TNNI3K: variants seen among roughly 807,000 people sequenced by gnomAD.
TNNI3K encodes the protein TNNI3 interacting kinase.
Under a neutral mutation model 114.5 loss-of-function variants are expected in TNNI3K, and 140 were observed. That is an observed-to-expected ratio of 1.22 (90% CI 1.07 to 1.41). The LOEUF (loss-of-function observed/expected upper bound fraction) is 1.41. Among genes scored for constraint, TNNI3K ranks in the 40% most tolerant of loss-of-function variants. The pLI is 0.00. For synonymous variants in TNNI3K, 347 were observed against 347.5 expected, an observed-to-expected ratio of 1.00 and a Z score of 0.02; for missense variants, 1,125 against 1,007.6, an observed-to-expected ratio of 1.12 and a Z score of -1.58.
intron 17 of TNNI3K, among the ~76,000 whole-genome samples, chr1:74,426,112 A>G (rs1009223772): frequency 1.4e-4 from 21 of 152,154 alleles, no homozygotes; most frequent in Non-Finnish European, 2.8e-4. Context: ...AGACATGGGC[A>G]TTTAGTTTCC....
At chr1:74,295,899 C>G (rs964168437) in intron 5 of TNNI3K, among the ~76,000 whole-genome samples, 1 of 151,828 alleles carries the variant, frequency 6.6e-6, no homozygotes, top group Middle Eastern at 3.2e-3. Context: ...TGTTTTTGTT[C>G]ATTTTCTGTC....
chr1:74,279,029 CCTGT>C (rs1656845948), intron 5 of TNNI3K, among the ~76,000 whole-genome samples: 1 of 152,138 alleles, frequency 6.6e-6, no homozygotes, highest in South Asian at 2.1e-4. Context: ...CTTTCTACTA[CCTGT>C]CTATTTTCAT....
chr1:74,332,490 C>T (rs1660255899), intron 6 of TNNI3K, among the ~76,000 whole-genome samples: 2 of 151,856 alleles, frequency 1.3e-5, no homozygotes, highest in African/African-American at 2.4e-5. Context: ...TTAGTAGAGA[C>T]GGGGTTTCAC....
intron 4 of TNNI3K, among the ~76,000 whole-genome samples, chr1:74,267,688 G>A (rs1329362536): frequency 6.6e-6 from 1 of 151,900 alleles, no homozygotes. Flanking sequence ...AGCTGCATAA[G>A]ATAAAAGTTT....
At chr1:74,392,067 G>A (rs367766783) in intron 17 of TNNI3K, among the ~76,000 whole-genome samples, 50 of 145,478 alleles carry the variant, frequency 3.4e-4, no homozygotes, top group African/African-American at 1.1e-3. Flanking sequence ...CCGGGTTCAC[G>A]CCATTCTCCT....
chr1:74,500,060 A>C (rs1669530111), intron 23 of TNNI3K, among the ~76,000 whole-genome samples: 1 of 151,752 alleles, frequency 6.6e-6, no homozygotes, highest in Admixed American at 6.6e-5. Flanking sequence ...ATATTATTTA[A>C]AATAACTAAT....
rs78371982 is a variant in TNNI3K at position 74,402,214 on chromosome 1, G to A, written c.1772+31822G>A. Among the ~76,000 whole-genome samples the A allele has an allele frequency of 4.4e-3, 676 of 152,262 alleles. 7 individuals are homozygous for A. Among genetic ancestry groups the A allele is most frequent in the African/African-American group, 0.015 (633 of 41,552 alleles). ...ATGTGACTTTTGAAAAGGATGGAAT[G>A]GGGCGGTAGTAAGAAGTTATTTCAG... is the stretch of plus-strand genomic sequence containing the variant. On this transcript the variant is annotated intron_variant, in intron 17 of 24. Transcript: ENST00000326637.
chr1:74,327,866 G>C (rs1659995164), intron 5 of TNNI3K, among the ~76,000 whole-genome samples: 2 of 150,352 alleles, frequency 1.3e-5, no homozygotes, highest in African/African-American at 4.9e-5. Flanking sequence ...TCTGTTTCTA[G>C]TTTAAAATTT....
chr1:74,241,018 C>T (rs909647761), intron 2 of TNNI3K, among the ~76,000 whole-genome samples: 18 of 151,844 alleles, frequency 1.2e-4, no homozygotes, highest in South Asian at 2.1e-4. Context: ...TGAGGACATG[C>T]GGTGTTTGGT....
intron 9 of TNNI3K, among the ~76,000 whole-genome samples, chr1:74,351,327 G>C (rs368444266): frequency 2.0e-5 from 3 of 151,118 alleles, no homozygotes; most frequent in Non-Finnish European, 4.4e-5. Flanking sequence ...AGTTTCTGCC[G>C]AGAGATCTGC....
chr1:74,524,133 A>G (rs2100421171), intron 23 of TNNI3K, among the ~76,000 whole-genome samples: 1 of 152,380 alleles, frequency 6.6e-6, no homozygotes, highest in South Asian at 2.1e-4. Flanking sequence ...TATTTGTGGC[A>G]GTGCCCACAA....
chr1:74,263,905 A>G (rs914898576), intron 4 of TNNI3K, among the ~76,000 whole-genome samples: 2 of 151,998 alleles, frequency 1.3e-5, no homozygotes, highest in African/African-American at 2.4e-5. Context: ...ATGCCTTTTC[A>G]AGTAGCATGT....
chr1:74,529,916 T>C (rs1646558309), intron 23 of TNNI3K, among the ~76,000 whole-genome samples: 1 of 152,174 alleles, frequency 6.6e-6, no homozygotes, highest in Non-Finnish European at 1.5e-5. Flanking sequence ...AGAGTGTCCT[T>C]AGAGCATGTC....
intron 11 of TNNI3K, 102 bp downstream of exon 11, chr1:74,354,231 C>G (rs1464017866): frequency 2.0e-6 from 3 of 1,527,074 alleles, no homozygotes; most frequent in Non-Finnish European, 2.6e-6. Flanking sequence ...CTTGAACACT[C>G]TCATTTCTTC....
chr1:74,262,942 G>C (rs1239592318), intron 4 of TNNI3K, among the ~76,000 whole-genome samples: 1 of 151,994 alleles, frequency 6.6e-6, no homozygotes, highest in African/African-American at 2.4e-5. Flanking sequence ...GTATGCTACT[G>C]TATATTATTA....
At chr1:74,332,976 A>AAAAAAAAAAAAAAAAAAAAAAAAGAG (rs57556485) in intron 6 of TNNI3K, among the ~76,000 whole-genome samples, 4 of 90,708 alleles carry the variant, frequency 4.4e-5, no homozygotes, top group Non-Finnish European at 9.0e-5. Context: ...AAAAAAAAAA[A>AAAAAAAAAAAAAAAAAAAAAAAAGAG]AGAGAGAGAC....
chr1:74,268,148 C>G (rs1419029002), intron 4 of TNNI3K, among the ~76,000 whole-genome samples: 2 of 151,644 alleles, frequency 1.3e-5, no homozygotes, highest in Non-Finnish European at 2.9e-5. Flanking sequence ...TCGTCACTTG[C>G]CTTATTGTGT....
intron 13 of TNNI3K, among the ~76,000 whole-genome samples, chr1:74,368,797 G>GCT (rs1662422377): frequency 6.6e-6 from 1 of 151,838 alleles, no homozygotes; most frequent in Non-Finnish European, 1.5e-5. Context: ...TGGTAACAAG[G>GCT]AGTGAGTAAT....
intron 23 of TNNI3K, among the ~76,000 whole-genome samples, chr1:74,529,795 A>G (rs1646556642): frequency 1.3e-5 from 2 of 152,188 alleles, no homozygotes; most frequent in South Asian, 4.1e-4. Context: ...TCATATATTC[A>G]CTTCAGCCAT....
Sources: allele counts gnomAD v4.1 joint callset (sites outside exome capture counted in the v4.1 genomes callset), GRCh38; gene constraint gnomAD v4.1.1; transcripts MANE v1.5; gene names NCBI Gene and HGNC (gene_info 2026-07-23, HGNC 2026-07-21).